The following SHC2 variants were observed in gnomAD, a reference collection of about 807,000 sequenced individuals.
The protein encoded by SHC2 is SHC-transforming protein 2.
A neutral mutation model predicts 60.6 loss-of-function variants in SHC2; 62 were observed. That is an observed-to-expected ratio of 1.02 (90% CI 0.83 to 1.26). The LOEUF is 1.26. Ranked by LOEUF, SHC2 falls within the 50% of genes most tolerant of loss-of-function variation. The pLI, the probability that SHC2 is intolerant of heterozygous loss-of-function variation, is 0.00. For missense variants in SHC2, 873 were observed against 822.2 expected, an observed-to-expected ratio of 1.06 and a Z score of -0.76; for synonymous variants, 375 against 372.4, an observed-to-expected ratio of 1.01 and a Z score of -0.08.
Position 438,339 on chromosome 19 carries a change from TTTG to T in SHC2, c.720+376_720+378del, listed in dbSNP as rs2038448820. Among the ~76,000 whole-genome samples, 1 of 152,162 alleles carries T rather than the reference TTTG, an allele frequency of 6.6e-6. No individual in the cohort carries two copies. Among genetic ancestry groups the T allele is most frequent in the African/African-American group, 2.4e-5 (1 of 41,436 alleles). ...CCCGAGCCTGGTCTGCAATTATACTTTTGTTGTTTGTTTCCACTTGAGGACTGA... is the reference window on the plus strand; with the variant it reads ...CCCGAGCCTGGTCTGCAATTATACTTTTGTTTGTTTCCACTTGAGGACTGA... On this transcript the variant is annotated intron_variant, in intron 4 of 12. Coordinates refer to ENST00000264554, the MANE Select transcript of SHC2 (RefSeq NM_012435.3). This position sits in a 1 kb window ranked among gnomAD's most constrained non-coding sequence, Gnocchi z 5.0.
chr19:447,118 A>G (rs540683857), intron 1 of SHC2, among the ~76,000 whole-genome samples: 2 of 152,390 alleles, frequency 1.3e-5, no homozygotes, highest in African/African-American at 4.8e-5. Flanking sequence ...AGTGGGGTCC[A>G]TCCGCACTCT....
intron 11 of SHC2, among the ~76,000 whole-genome samples, chr19:421,301 G>A (rs2145686958): frequency 6.6e-6 from 1 of 151,832 alleles, no homozygotes; most frequent in East Asian, 1.9e-4. Flanking sequence ...TGGGGAAGCT[G>A]AGGCGGGAGA....
chr19:458,114 G>GCATGTTC, intron 1 of SHC2, among the ~76,000 whole-genome samples: 4 of 131,074 alleles, frequency 3.1e-5, no homozygotes, highest in Non-Finnish European at 5.4e-5. Context: ...GGAGGCAGAA[G>GCATGTTC]CGGGTCTTGG....
In SHC2 at chr19:441,027, TG is replaced by T; in HGVS notation, c.469-96del. On this transcript the variant is annotated intron_variant, in intron 1 of 12. Transcript: ENST00000264554. This position sits in a 1 kb window ranked among gnomAD's most constrained non-coding sequence, Gnocchi z 4.9. ...AGCCCTTCGCCGCCTCCACCACCCC[TG>T]GGGTCGAGCCCTTTCCTCTGTCCCT... The T allele has an allele frequency of 6.5e-7, 1 of 1,533,676 alleles. No individual in the cohort carries two copies. Among genetic ancestry groups the T allele is most frequent in the Non-Finnish European group, 9.0e-7 (1 of 1,116,316 alleles).
chr19:458,631 G>A lies in SHC2; in HGVS notation c.468+1898C>T, dbSNP rs74397104. ...TTCCAGGGAGGCGGACGCGGGTTCCGGGGAGGCGGAAGCCGGTCTTGGGGA... is the reference window on the plus strand; with the variant it reads ...TTCCAGGGAGGCGGACGCGGGTTCCAGGGAGGCGGAAGCCGGTCTTGGGGA... On this transcript the variant is annotated intron_variant, in intron 1 of 12. Coordinates refer to ENST00000264554, the MANE Select transcript of SHC2 (RefSeq NM_012435.3). Among the ~76,000 whole-genome samples the A allele has an allele frequency of 2.9e-3, 409 of 139,126 alleles. 13 individuals carry two copies. In the East Asian group the frequency reaches 0.051, roughly 17 times the overall value. The allele number at this position is 139,126 out of a possible 152,430, so 91.3% of individuals were successfully genotyped here.
At position 436,386 on chromosome 19, in the gene SHC2, G is replaced by T; in HGVS notation, c.820C>A (p.Gln274Lys). The T allele has an allele frequency of 6.3e-7, 1 of 1,594,062 alleles. No individual in the cohort carries two copies. Among genetic ancestry groups the T allele is most frequent in the Non-Finnish European group, 8.6e-7 (1 of 1,167,216 alleles). ...GCCTCCCCGGGGGCCTCACCTCTCTGGTTGATGGGGTCCTTGGCGACGTAG... is the reference window on the plus strand; with the variant it reads ...GCCTCCCCGGGGGCCTCACCTCTCTTGTTGATGGGGTCCTTGGCGACGTAG... ...VAYVAKDPIN[Q>K]RACHILECCE... Residue 274 changes from glutamine to lysine, a missense_variant, in exon 6 of 13, where the codon CAG becomes AAG. By Grantham distance (53) the Gln-to-Lys change is moderately conservative (BLOSUM62 1). Coordinates refer to ENST00000264554, the MANE Select transcript of SHC2 (RefSeq NM_012435.3).
chr19:446,810 C>T lies in SHC2; in HGVS notation c.469-5878G>A, dbSNP rs190439895. Reference sequence around the variant, plus strand: ...GGAGCCACTGTACAAGTCAGTAAACCGAAGCCCAGAGAGGGGATGGCACCT... The same window carrying T: ...GGAGCCACTGTACAAGTCAGTAAACTGAAGCCCAGAGAGGGGATGGCACCT... On this transcript the variant is annotated intron_variant, in intron 1 of 12. Transcript: ENST00000264554. This position sits in a 1 kb window ranked among gnomAD's most constrained non-coding sequence, Gnocchi z 5.4. Among the ~76,000 whole-genome samples, 418 of 152,228 alleles carry T rather than the reference C, an allele frequency of 2.7e-3. 3 individuals carry two copies. Among genetic ancestry groups the T allele is most frequent in the African/African-American group, 8.5e-3 (355 of 41,536 alleles).
chr19:452,065 G>A lies in SHC2; in HGVS notation c.468+8464C>T, dbSNP rs192914673. Among the ~76,000 whole-genome samples the A allele has an allele frequency of 2.5e-3, 385 of 152,332 alleles. 3 individuals carry two copies. The highest frequency in any genetic ancestry group is 8.5e-3 in the African/African-American group (352 of 41,578). On this transcript the variant is annotated intron_variant, in intron 1 of 12. Transcript: ENST00000264554. Reference sequence around the variant, plus strand: ...CTTTGTGGCGGCCTCTGTGCTTCCCGGAGAGTGGACCCTGCACATTTACAG... The same window carrying A: ...CTTTGTGGCGGCCTCTGTGCTTCCCAGAGAGTGGACCCTGCACATTTACAG...
intron 1 of SHC2, among the ~76,000 whole-genome samples, chr19:450,665 C>A (rs1271987067): frequency 6.6e-6 from 1 of 152,194 alleles, no homozygotes; most frequent in Non-Finnish European, 1.5e-5. Context: ...TGGGTCAGAG[C>A]CTCGTTCCTT....
intron 1 of SHC2, among the ~76,000 whole-genome samples, chr19:454,382 A>T (rs935915066): frequency 6.6e-6 from 1 of 152,102 alleles, no homozygotes; most frequent in Non-Finnish European, 1.5e-5. Flanking sequence ...TGTTCTGCCA[A>T]ACCAGAGCCA....
At position 441,305 on chromosome 19, in the gene SHC2, G is replaced by T; in HGVS notation, c.469-373C>A. ...TCCTGAGCACTTCCCTATCTCCAGC[G>T]CCCAGTTCAGGGTCTGGCAAACAGT... is the stretch of plus-strand genomic sequence containing the variant. On this transcript the variant is annotated intron_variant, in intron 1 of 12. Coordinates refer to ENST00000264554, the MANE Select transcript of SHC2 (RefSeq NM_012435.3). The surrounding 1 kb of genome is among the most constrained non-coding windows in gnomAD (Gnocchi z 4.9). 3.3e-6 allele frequency: 1 copy of T among 298,698 alleles called. No homozygotes were observed. Among genetic ancestry groups the T allele is most frequent in the Non-Finnish European group, 4.9e-6 (1 of 203,186 alleles). The allele number at this position is 298,698 out of a possible 1,614,324, so 18.5% of individuals were successfully genotyped here. A position where few individuals can be genotyped will look rare whatever the true frequency, so the allele number is the denominator to read the frequency against.
chr19:448,011 C>T (rs1034142009), intron 1 of SHC2, among the ~76,000 whole-genome samples: 6 of 152,146 alleles, frequency 3.9e-5, no homozygotes, highest in African/African-American at 7.2e-5. Context: ...GAAGGAAGAC[C>T]GGATGCCGGG....
In SHC2 at chr19:430,739, A is replaced by C. The variant is rs1974563963; in HGVS notation, c.1119T>G (p.Ser373=). ...GGCTGCAGGCATCTCTTAGAGAAGG[A>C]GATGGGCCCTGGAAACAGAGCAGTG... ...CALTALDQGP[S]PSLRDACSLP... is the part of the protein sequence containing the mutation. The change falls in exon 9 of 13, where the codon TCT becomes TCG. Residue 373 remains serine, a synonymous_variant. Coordinates refer to ENST00000264554, the MANE Select transcript of SHC2 (RefSeq NM_012435.3). The C allele has an allele frequency of 4.3e-6, 7 of 1,612,968 alleles. No homozygotes were observed. The highest frequency in any genetic ancestry group is 5.9e-6 in the Non-Finnish European group (7 of 1,179,826).
chr19:439,884 G>A (rs1466646627), intron 2 of SHC2, among the ~76,000 whole-genome samples: 3 of 152,008 alleles, frequency 2.0e-5, no homozygotes, highest in Non-Finnish European at 2.9e-5. Flanking sequence ...AAACTAGCTG[G>A]GTGTGGTGGT....
intron 6 of SHC2, 32 bp downstream of exon 6, chr19:436,348 A>G (rs1369427658): frequency 1.3e-6 from 2 of 1,596,760 alleles, no homozygotes; most frequent in Non-Finnish European, 8.6e-7. Context: ...CCCCAGCCAC[A>G]GGACCCCCAC....
intron 11 of SHC2, chr19:419,315 G>C (rs540664611): frequency 1.1e-4 from 48 of 444,952 alleles, no homozygotes; most frequent in Admixed American, 2.2e-4. Flanking sequence ...GGGAAGATGC[G>C]GCCAGGTCCC....
chr19:458,778 C>T (rs111920215), intron 1 of SHC2, among the ~76,000 whole-genome samples: 6,107 of 99,764 alleles, frequency 0.061, 142 homozygotes, highest in Middle Eastern at 0.14. Flanking sequence ...AGGCGGGTTC[C>T]GGGGAGGCGG....
At chr19:420,026 C>T (rs1399594663) in intron 11 of SHC2, 3 of 152,278 alleles carry the variant, frequency 2.0e-5, no homozygotes, top group African/African-American at 7.2e-5. Context: ...ACAATCACGT[C>T]CTTCTGTGTG....
rs1975037464 is a variant in SHC2 at position 445,766 on chromosome 19, GCTCA to G, written c.469-4838_469-4835del. Among the ~76,000 whole-genome samples, 3 of 152,212 alleles carry G rather than the reference GCTCA, an allele frequency of 2.0e-5. No individual in the cohort carries two copies. The South Asian group carries it at 6.2e-4, about 32-fold the overall frequency. On this transcript the variant is annotated intron_variant, in intron 1 of 12. Coordinates refer to ENST00000264554, the MANE Select transcript of SHC2 (RefSeq NM_012435.3). This position sits in a 1 kb window ranked among gnomAD's most constrained non-coding sequence, Gnocchi z 4.4. ...AAACACATTTTTGCCGGGCGCGGTG[GCTCA>G]CGCCTGTAATCCCAGCACTTTGGGA...
Sources: allele counts gnomAD v4.1 joint callset (sites outside exome capture counted in the v4.1 genomes callset), GRCh38; gene constraint gnomAD v4.1.1; non-coding constraint Gnocchi (gnomAD v3.1); transcripts MANE v1.5; gene names NCBI Gene and HGNC (gene_info 2026-07-23, HGNC 2026-07-21).